The following SH3BGR variants were observed in gnomAD, a reference collection of about 807,000 sequenced individuals.
SH3BGR encodes the protein SH3 domain-binding glutamic acid-rich protein.
In SH3BGR, 29 loss-of-function variants were observed where a neutral mutation model predicts 24.5. The observed-to-expected ratio is 1.18, with a 90% CI of 0.88 to 1.61. SH3BGR has a LOEUF of 1.61. SH3BGR is among the 40% of genes most tolerant of loss of function. The probability of loss-of-function intolerance (pLI) is 0.00; values close to 1 mark genes in which losing one functional copy is unlikely to be tolerated. For synonymous variants in SH3BGR, 55 were observed against 65.7 expected (o/e 0.84, Z 0.79); for missense variants, 162 against 205.8 (o/e 0.79, Z 1.30).
chr21:39,487,010 A>T (rs1186168753), intron 3 of SH3BGR, among the ~76,000 whole-genome samples: 1 of 152,200 alleles, frequency 6.6e-6, no homozygotes, highest in Non-Finnish European at 1.5e-5. Flanking sequence ...GAGCCACCAC[A>T]TCCAGCAATC....
intron 2 of SH3BGR, among the ~76,000 whole-genome samples, chr21:39,474,639 T>A (rs928757124): frequency 2.0e-5 from 3 of 152,100 alleles, no homozygotes; most frequent in Non-Finnish European, 4.4e-5. Context: ...GTTCCTATTT[T>A]GCCAAAACAG....
intron 1 of SH3BGR, among the ~76,000 whole-genome samples, chr21:39,456,486 G>A (rs1344048184): frequency 6.6e-6 from 1 of 152,226 alleles, no homozygotes; most frequent in Non-Finnish European, 1.5e-5. Context: ...CTGTCATCAG[G>A]TCTGATGGGA....
chr21:39,486,549 GTA>G (rs2078215380), intron 3 of SH3BGR, among the ~76,000 whole-genome samples: 1 of 152,068 alleles, frequency 6.6e-6, no homozygotes, highest in Admixed American at 6.5e-5. Flanking sequence ...TAATAAAACT[GTA>G]TGAGTATATG....
Position 39,470,451 on chromosome 21 carries a change from A to G in SH3BGR, c.232-4684A>G, listed in dbSNP as rs1232713313. ...TTTTTTTGGTATTTTTAGTAGAGAT[A>G]GGGGTTCACCATGTTGGCCAGGCTG... is the stretch of plus-strand genomic sequence containing the variant. On this transcript the variant is annotated intron_variant, in intron 2 of 6. Transcript: ENST00000333634. Among the ~76,000 whole-genome samples the G allele has an allele frequency of 2.0e-5, 3 of 151,788 alleles. No homozygotes were observed. In the East Asian group the frequency reaches 5.8e-4, roughly 29 times the overall value.
intron 4 of SH3BGR, among the ~76,000 whole-genome samples, chr21:39,502,143 A>T (rs1481814815): frequency 2.0e-5 from 3 of 152,338 alleles, no homozygotes; most frequent in African/African-American, 7.2e-5. Flanking sequence ...ACTGCACTCC[A>T]GTCTGGGCAA....
chr21:39,462,442 A>C lies in SH3BGR; in HGVS notation c.113A>C (p.Asp38Ala). The change falls in exon 2 of 7, where the codon GAT becomes GCT. Residue 38 changes from aspartate to alanine, a missense_variant. Transcript: ENST00000333634. ...EANKIDFKELDIAGDEDNRRW... is the reference protein window; with the variant it reads ...EANKIDFKELAIAGDEDNRRW... ...AATAAAATCGACTTTAAGGAATTAG[A>C]TATTGCTGGAGATGAAGACAACAGG... The C allele has an allele frequency of 6.2e-7, 1 of 1,610,228 alleles. No homozygotes were observed. The highest frequency in any genetic ancestry group is 8.5e-7 in the Non-Finnish European group (1 of 1,179,174).
chr21:39,505,911 A>G (rs1231880401), intron 4 of SH3BGR, among the ~76,000 whole-genome samples: 2 of 152,236 alleles, frequency 1.3e-5, no homozygotes, highest in African/African-American at 2.4e-5. Context: ...TCAACTGAAT[A>G]TAACTAATAA....
intron 3 of SH3BGR, among the ~76,000 whole-genome samples, chr21:39,479,158 C>T (rs2078076064): frequency 6.6e-6 from 1 of 151,384 alleles, no homozygotes; most frequent in Non-Finnish European, 1.5e-5. Flanking sequence ...TTGCTTGTGC[C>T]TAGGGTTTCG....
chr21:39,462,390 CAAG>C lies in SH3BGR; in HGVS notation c.65_67del (p.Glu22del). 1 of 1,606,006 alleles carries C rather than the reference CAAG, an allele frequency of 6.2e-7. No homozygotes were observed. The highest frequency in any genetic ancestry group is 2.2e-5 in the East Asian group (1 of 44,642). ...TCTTGACCAGATTAGGAAGAAACAGCAAGAAGTAGTGGGTTTTTTGGAAGCGAA... is the reference window on the plus strand; with the variant it reads ...TCTTGACCAGATTAGGAAGAAACAGCAAGTAGTGGGTTTTTTGGAAGCGAA... On this transcript the variant is annotated inframe_deletion, in exon 2 of 7. Coordinates refer to ENST00000333634, the MANE Select transcript of SH3BGR (RefSeq NM_007341.3).
At chr21:39,461,040 A>G (rs1192312327) in intron 1 of SH3BGR, among the ~76,000 whole-genome samples, 1 of 152,184 alleles carries the variant, frequency 6.6e-6, no homozygotes, top group Non-Finnish European at 1.5e-5. Context: ...CAAAAAATTA[A>G]AAGTATTTTG....
chr21:39,501,123 C>A (rs992993286), intron 4 of SH3BGR, among the ~76,000 whole-genome samples: 1 of 152,186 alleles, frequency 6.6e-6, no homozygotes, highest in Non-Finnish European at 1.5e-5. Context: ...TAATCTGTTT[C>A]ACAATTTGAA....
chr21:39,455,144 T>C (rs1280354176), intron 1 of SH3BGR, among the ~76,000 whole-genome samples: 2 of 152,138 alleles, frequency 1.3e-5, no homozygotes, highest in African/African-American at 4.8e-5. Context: ...GCCAAGTGAG[T>C]GGCAATAAGA....
intron 2 of SH3BGR, 45 bp from the exon 3 acceptor site, chr21:39,475,090 C>A: frequency 8.2e-7 from 1 of 1,216,736 alleles, no homozygotes; most frequent in Non-Finnish European, 1.2e-6. Flanking sequence ...TAAACTGGCT[C>A]ACAAGTGTGC....
chr21:39,449,713 G>C (rs2077552135), upstream of SH3BGR, among the ~76,000 whole-genome samples: 2 of 152,146 alleles, frequency 1.3e-5, no homozygotes, highest in Admixed American at 1.3e-4. Context: ...CTTCTCATGT[G>C]GTGTGGAGAG....
At chr21:39,495,061 C>T (rs1316361349) in intron 3 of SH3BGR, among the ~76,000 whole-genome samples, 2 of 151,470 alleles carry the variant, frequency 1.3e-5, no homozygotes. Flanking sequence ...TTTTTAATTT[C>T]TATTTTTCTA....
intron 3 of SH3BGR, among the ~76,000 whole-genome samples, chr21:39,476,908 G>A (rs1308570192): frequency 6.6e-6 from 1 of 152,160 alleles, no homozygotes; most frequent in Non-Finnish European, 1.5e-5. Context: ...ATTTTTGACA[G>A]AGTTACTGTC....
intron 3 of SH3BGR, chr21:39,488,718 A>G (rs2078250359): frequency 8.7e-6 from 4 of 460,510 alleles, no homozygotes; most frequent in South Asian, 1.8e-5. Context: ...CAGAGGCAGA[A>G]GTAGAGATGC....
upstream of SH3BGR, among the ~76,000 whole-genome samples, chr21:39,447,402 T>G (rs1449781652): frequency 3.3e-5 from 5 of 151,124 alleles, no homozygotes; most frequent in Non-Finnish European, 7.4e-5. Context: ...AATCTTTCTT[T>G]GCTTTCGCTT....
At chr21:39,473,002 AT>A (rs1009038960) in intron 2 of SH3BGR, among the ~76,000 whole-genome samples, 51 of 148,942 alleles carry the variant, frequency 3.4e-4, no homozygotes, top group African/African-American at 9.1e-4. Context: ...GTGTATTTAA[AT>A]TTTTTTTTTT....
Sources: gnomAD v4.1 joint callset for allele counts (sites outside exome capture counted in the v4.1 genomes callset) on GRCh38, gnomAD v4.1.1 for gene constraint, MANE v1.5 for transcripts, NCBI Gene and HGNC (gene_info 2026-07-23, HGNC 2026-07-21) for gene names.